The following KIRREL3 variants were observed in gnomAD, a reference collection of about 807,000 sequenced individuals.
The protein encoded by KIRREL3 is kirre like nephrin family adhesion molecule 3.
KIRREL3 carries 36 observed loss-of-function variants against 89.7 expected under a neutral mutation model. The observed-to-expected ratio is 0.40, with a 90% CI of 0.31 to 0.53. KIRREL3 has a LOEUF of 0.53. Among genes scored for constraint, KIRREL3 ranks in the 20% least tolerant of loss-of-function variants. KIRREL3 has a pLI of 0.49. For missense variants in KIRREL3, 864 were observed against 1,056.6 expected (o/e 0.82, Z 2.53); for synonymous variants, 445 against 441.4 (o/e 1.01, Z -0.10).
At position 126,570,572 on chromosome 11, in the gene KIRREL3, C is replaced by T. The variant is rs566844773; in HGVS notation, c.56-7660G>A. On this transcript the variant is annotated intron_variant, in intron 1 of 16. Transcript: ENST00000525144. This position sits in a 1 kb window ranked among gnomAD's most constrained non-coding sequence, Gnocchi z 6.1. ...GCCTCCCTCACACACCTGCTGATCA[C>T]GTGCCGATCAGCACCTTACAGCTTG... Among the ~76,000 whole-genome samples the T allele has an allele frequency of 5.3e-5, 8 of 152,336 alleles. No homozygotes were observed. The South Asian group carries it at 1.0e-3, about 20-fold the overall frequency.
rs749034337 is a variant in KIRREL3 at position 126,492,047 on chromosome 11, G to C, written c.434-18581C>G. Among the ~76,000 whole-genome samples the C allele has an allele frequency of 1.3e-5, 2 of 152,062 alleles. No individual in the cohort carries two copies. The highest frequency in any genetic ancestry group is 2.9e-5 in the Non-Finnish European group (2 of 68,018). On this transcript the variant is annotated intron_variant, in intron 4 of 16. Coordinates refer to ENST00000525144, the MANE Select transcript of KIRREL3 (RefSeq NM_032531.4). The surrounding 1 kb of genome is among the most constrained non-coding windows in gnomAD (Gnocchi z 4.8). ...GGATTTCAGAATCTGGACTTTTATT[G>C]TCTCACTTCCCTTCAGTGAGCCAAA...
At chr11:126,809,103 G>A (rs1007495576) in intron 1 of KIRREL3, among the ~76,000 whole-genome samples, 1 of 152,154 alleles carries the variant, frequency 6.6e-6, no homozygotes, top group African/African-American at 2.4e-5. Flanking sequence ...GCAGTCATGA[G>A]CAACCCTACA....
At chr11:126,765,073 T>C (rs1035648242) in intron 1 of KIRREL3, among the ~76,000 whole-genome samples, 2 of 152,172 alleles carry the variant, frequency 1.3e-5, no homozygotes, top group Non-Finnish European at 2.9e-5. Context: ...CAGGAGACCA[T>C]TTACTGGAGA....
At chr11:126,967,466 A>G (rs73016696) in intron 1 of KIRREL3, among the ~76,000 whole-genome samples, 12,685 of 152,168 alleles carry the variant, frequency 0.083, 690 homozygotes, top group East Asian at 0.27. Flanking sequence ...GCTGCCTTGC[A>G]ATAATAATAA....
intron 1 of KIRREL3, among the ~76,000 whole-genome samples, chr11:126,725,964 C>T (rs998254497): frequency 3.9e-5 from 6 of 152,198 alleles, no homozygotes; most frequent in African/African-American, 1.4e-4. Context: ...ATTATAATAA[C>T]CCAAATAGAG....
intron 1 of KIRREL3, among the ~76,000 whole-genome samples, chr11:126,616,110 G>A (rs940162740): frequency 3.9e-5 from 6 of 152,240 alleles, no homozygotes; most frequent in Non-Finnish European, 7.3e-5. Flanking sequence ...TGAGGAAGGA[G>A]CAGGTGCTCC....
At chr11:126,839,595 T>C (rs1180453931) in intron 1 of KIRREL3, among the ~76,000 whole-genome samples, 1 of 152,170 alleles carries the variant, frequency 6.6e-6, no homozygotes, top group East Asian at 1.9e-4. Context: ...CATTTTGTTT[T>C]TAATGACTGG....
chr11:126,968,709 C>T (rs1949348424), intron 1 of KIRREL3, among the ~76,000 whole-genome samples: 1 of 152,202 alleles, frequency 6.6e-6, no homozygotes, highest in Non-Finnish European at 1.5e-5. Context: ...TTATTTTGCC[C>T]ATTTATAACA....
In KIRREL3 at chr11:126,686,308, T is replaced by G. The variant is rs984230049; in HGVS notation, c.56-123396A>C. On this transcript the variant is annotated intron_variant, in intron 1 of 16. Coordinates refer to ENST00000525144, the MANE Select transcript of KIRREL3 (RefSeq NM_032531.4). The surrounding 1 kb of genome is among the most constrained non-coding windows in gnomAD (Gnocchi z 4.7). ...GTGGCCTTTTTATGGAGGTTAGCAT[T>G]CTTTTGTTAGTCCACTCACATATTT... Among the ~76,000 whole-genome samples the G allele has an allele frequency of 1.3e-5, 2 of 152,204 alleles. No homozygotes were observed. The highest frequency in any genetic ancestry group is 6.5e-5 in the Admixed American group (1 of 15,288).
chr11:126,926,584 C>G (rs1262063113), intron 1 of KIRREL3, among the ~76,000 whole-genome samples: 1 of 152,078 alleles, frequency 6.6e-6, no homozygotes, highest in Non-Finnish European at 1.5e-5. Flanking sequence ...GCAGAAGCCT[C>G]TCACCAGCAC....
Position 127,000,308 on chromosome 11 carries a change from G to T in KIRREL3, c.55+147C>A. The T allele has an allele frequency of 1.6e-6, 1 of 616,694 alleles. No homozygotes were observed. The highest frequency in any genetic ancestry group is 2.8e-6 in the Non-Finnish European group (1 of 356,292). 38.2% of individuals were successfully genotyped at this position (616,694 alleles called of 1,614,324 possible). On this transcript the variant is annotated intron_variant, in intron 1 of 16. Coordinates refer to ENST00000525144, the MANE Select transcript of KIRREL3 (RefSeq NM_032531.4). This position sits in a 1 kb window ranked among gnomAD's most constrained non-coding sequence, Gnocchi z 7.1. Reference sequence around the variant, plus strand: ...TTTGTTGCATTCGCAAAGGCGAAGAGGCAATGCCAGAGCATCTCAGCCCGG... The same window carrying T: ...TTTGTTGCATTCGCAAAGGCGAAGATGCAATGCCAGAGCATCTCAGCCCGG...
Position 126,843,253 on chromosome 11 carries a change from A to G in KIRREL3, c.55+157202T>C, listed in dbSNP as rs941773173. On this transcript the variant is annotated intron_variant, in intron 1 of 16. Transcript: ENST00000525144. This position sits in a 1 kb window ranked among gnomAD's most constrained non-coding sequence, Gnocchi z 4.6. ...ATGGAAAACCCACTGATGCAGTTCA[A>G]ACTGTGTCCCCATCAGTATGAAAGG... 3.9e-4 allele frequency among the ~76,000 whole-genome samples: 59 copies of G among 152,204 alleles called. No individual in the cohort carries two copies. Among genetic ancestry groups the G allele is most frequent in the African/African-American group, 1.4e-3 (56 of 41,454 alleles).
chr11:126,490,756 G>A lies in KIRREL3; in HGVS notation c.434-17290C>T, dbSNP rs903550783. 6.6e-6 allele frequency among the ~76,000 whole-genome samples: 1 copy of A among 152,050 alleles called. No individual in the cohort carries two copies. Among genetic ancestry groups the A allele is most frequent in the Non-Finnish European group, 1.5e-5 (1 of 68,020 alleles). On this transcript the variant is annotated intron_variant, in intron 4 of 16. Transcript: ENST00000525144. The surrounding 1 kb of genome is among the most constrained non-coding windows in gnomAD (Gnocchi z 4.2). ...CTTTTCTTGTCTCTCCTCCCTCCTC[G>A]TCTCCCAAAGAATGGGTCTGCCTTC...
Position 126,993,271 on chromosome 11 carries a change from C to T in KIRREL3, c.55+7184G>A, listed in dbSNP as rs1950087054. Among the ~76,000 whole-genome samples, 1 of 152,152 alleles carries T rather than the reference C, an allele frequency of 6.6e-6. No individual in the cohort carries two copies. Reference sequence around the variant, plus strand: ...GTATAATGGCACCCATGGCCATTCACGAGTTGACTCTTCCCTTCCCAACCT... The same window carrying T: ...GTATAATGGCACCCATGGCCATTCATGAGTTGACTCTTCCCTTCCCAACCT... On this transcript the variant is annotated intron_variant, in intron 1 of 16. Coordinates refer to ENST00000525144, the MANE Select transcript of KIRREL3 (RefSeq NM_032531.4). This position sits in a 1 kb window ranked among gnomAD's most constrained non-coding sequence, Gnocchi z 6.1.
intron 1 of KIRREL3, among the ~76,000 whole-genome samples, chr11:126,836,146 G>A (rs1943773629): frequency 6.6e-6 from 1 of 152,122 alleles, no homozygotes; most frequent in Non-Finnish European, 1.5e-5. Context: ...AACCTTAACG[G>A]TGCAAACAAT....
At position 126,476,209 on chromosome 11, in the gene KIRREL3, A is replaced by G. The variant is rs1957059449; in HGVS notation, c.434-2743T>C. 6.6e-6 allele frequency among the ~76,000 whole-genome samples: 1 copy of G among 152,164 alleles called. No individual in the cohort carries two copies. The highest frequency in any genetic ancestry group is 1.5e-5 in the Non-Finnish European group (1 of 68,024). On this transcript the variant is annotated intron_variant, in intron 4 of 16. Coordinates refer to ENST00000525144, the MANE Select transcript of KIRREL3 (RefSeq NM_032531.4). The surrounding 1 kb of genome is among the most constrained non-coding windows in gnomAD (Gnocchi z 6.4). ...TCCTCTGCAGAGGTTTTAAAACCTC[A>G]CTGCGGGCCACACCCTGAGCAGCCA...
chr11:126,558,669 C>T lies in KIRREL3; in HGVS notation c.133+4166G>A, dbSNP rs1319145296. ...TCTCTGAGGCAGGCACAGCCCCTCC[C>T]CTGATACATGTGACAGCCTTCTACT... On this transcript the variant is annotated intron_variant, in intron 2 of 16. Transcript: ENST00000525144. The surrounding 1 kb of genome is among the most constrained non-coding windows in gnomAD (Gnocchi z 4.0). Among the ~76,000 whole-genome samples, 4 of 152,230 alleles carry T rather than the reference C, an allele frequency of 2.6e-5. No individual in the cohort carries two copies. The highest frequency in any genetic ancestry group is 9.6e-5 in the African/African-American group (4 of 41,466).
intron 1 of KIRREL3, among the ~76,000 whole-genome samples, chr11:126,799,846 G>A (rs887768923): frequency 3.3e-5 from 5 of 152,176 alleles, no homozygotes; most frequent in Admixed American, 3.3e-4. Context: ...CCAGGGATTG[G>A]GGAAGTAACT....
intron 1 of KIRREL3, among the ~76,000 whole-genome samples, chr11:126,573,855 CG>C (rs1565562834): frequency 6.6e-6 from 1 of 151,992 alleles, no homozygotes; most frequent in African/African-American, 2.4e-5. Flanking sequence ...AGCAGATCCG[CG>C]GGGGGACCTC....
Sources: allele counts gnomAD v4.1 joint callset (sites outside exome capture counted in the v4.1 genomes callset), GRCh38; gene constraint gnomAD v4.1.1; non-coding constraint Gnocchi (gnomAD v3.1); transcripts MANE v1.5; gene names NCBI Gene and HGNC (gene_info 2026-07-23, HGNC 2026-07-21).